RBM17: variants seen among roughly 807,000 people sequenced by gnomAD.
RBM17 encodes the protein splicing factor 45.
In RBM17, 7 loss-of-function variants were observed where a neutral mutation model predicts 53.2. The ratio of observed to expected loss-of-function variants is 0.13; its 90% CI spans 0.07 to 0.25. The LOEUF (loss-of-function observed/expected upper bound fraction) is 0.25, where lower values mean the gene tolerates loss of function less well. RBM17 is among the 10% of genes least tolerant of loss of function. The pLI is 1.00. For synonymous variants in RBM17, 167 were observed against 178.1 expected, an observed-to-expected ratio of 0.94 and a Z score of 0.50; for missense variants, 257 against 496.7, an observed-to-expected ratio of 0.52 and a Z score of 4.59.
intron 6 of RBM17, among the ~76,000 whole-genome samples, 160 bp from the exon 7 acceptor site, chr10:6,109,826 A>T (rs1029561060): frequency 6.6e-6 from 1 of 152,246 alleles, no homozygotes; most frequent in South Asian, 2.1e-4. Context: ...GGTTTTAAAA[A>T]AAGTCGTATA....
chr10:6,109,407 C>G (rs574333764), intron 6 of RBM17, among the ~76,000 whole-genome samples: 1 of 152,202 alleles, frequency 6.6e-6, no homozygotes, highest in East Asian at 1.9e-4. Context: ...TTATGAAATA[C>G]CTATTATGTG....
Position 6,105,011 on chromosome 10 carries a change from T to A in RBM17, c.321T>A (p.Asp107Glu), listed in dbSNP as rs778058356. The stretch of plus-strand genomic sequence containing the variant: ...AATATGACCCTATGTTTCCTAATGA[T>A]TATGAGAAAGTAGTGAAGCGCCAAA... ...ADEYDPMFPN[D>E]YEKVVKRQRE... The change falls in exon 4 of 12, where the codon GAT becomes GAA. Residue 107 changes from aspartate (D) to glutamate (E), a missense_variant. Around this residue, in one of 6 missense-constraint regions of RBM17, gnomAD observed 127 missense variants for 217.2 expected, o/e 0.58. Transcript: ENST00000379888. 69 of 1,613,804 alleles carry A rather than the reference T, an allele frequency of 4.3e-5. No homozygotes were observed. Among genetic ancestry groups the A allele is most frequent in the Non-Finnish European group, 5.6e-5 (66 of 1,179,912 alleles).
chr10:6,110,181 T>C (rs1438466114), intron 7 of RBM17, 54 bp downstream of exon 7: 1 of 1,502,620 alleles, frequency 6.7e-7, no homozygotes, highest in Admixed American at 2.0e-5. Context: ...GAAGCGTTGA[T>C]AGCCCTTTCA....
chr10:6,114,032 T>A lies in RBM17; in HGVS notation c.931-17T>A. 1 of 1,568,726 alleles carries A rather than the reference T, an allele frequency of 6.4e-7. No individual in the cohort carries two copies. The highest frequency in any genetic ancestry group is 8.8e-7 in the Non-Finnish European group (1 of 1,140,622). On this transcript the variant is annotated splice_polypyrimidine_tract_variant and intron_variant, in intron 9 of 11. Coordinates refer to ENST00000379888, the MANE Select transcript of RBM17 (RefSeq NM_032905.5). The stretch of plus-strand genomic sequence containing the variant: ...GTTATACTTGGTACTTGAATTTGTT[T>A]ATTTTTGTGTTTAAAGAACATGGTT...
intron 1 of RBM17, among the ~76,000 whole-genome samples, chr10:6,096,158 G>A (rs1330775071): frequency 6.6e-6 from 1 of 152,204 alleles, no homozygotes; most frequent in Non-Finnish European, 1.5e-5. Context: ...AGTAAGCTAT[G>A]TTGGTGGGTT....
chr10:6,109,857 GT>G, intron 6 of RBM17, 128 bp from the exon 7 acceptor site: 1 of 666,410 alleles, frequency 1.5e-6, no homozygotes. Context: ...AATTGATTTG[GT>G]GTTTTTCTCT....
At chr10:6,095,295 A>G (rs553224176) in intron 1 of RBM17, among the ~76,000 whole-genome samples, 1 of 151,814 alleles carries the variant, frequency 6.6e-6, no homozygotes, top group African/African-American at 2.4e-5. Flanking sequence ...TCACTGCAAC[A>G]TCCATCTCCC....
chr10:6,113,437 T>C lies in RBM17; in HGVS notation c.857-71T>C, dbSNP rs1215221235. The stretch of plus-strand genomic sequence containing the variant: ...TTAAATTAATTATTGTAAGTAGGAC[T>C]CAGTTCTGTAACACATCTAATGATA... On this transcript the variant is annotated intron_variant, in intron 8 of 11. Coordinates refer to ENST00000379888, the MANE Select transcript of RBM17 (RefSeq NM_032905.5). The C allele has an allele frequency of 4.0e-6, 4 of 1,002,370 alleles. 1 individual carries two copies. Among genetic ancestry groups the C allele is most frequent in the African/African-American group, 1.6e-5 (1 of 62,806 alleles). 62.1% of individuals were successfully genotyped at this position (1,002,370 alleles called of 1,614,324 possible). A position where few individuals can be genotyped will look rare whatever the true frequency, so the allele number is the denominator to read the frequency against.
intron 2 of RBM17, among the ~76,000 whole-genome samples, chr10:6,100,174 T>C (rs1450818646): frequency 6.6e-6 from 1 of 152,256 alleles, no homozygotes; most frequent in Non-Finnish European, 1.5e-5. Context: ...ATAAGTATTG[T>C]TATATTCAAG....
At position 6,089,047 on chromosome 10, in the gene RBM17, T is replaced by A. The variant is rs1251150377; in HGVS notation, c.-165T>A. On this transcript the variant is annotated 5_prime_UTR_variant, in exon 1 of 12. Transcript: ENST00000379888. This position sits in a 1 kb window ranked among gnomAD's most constrained non-coding sequence, Gnocchi z 5.6. ...CGCTCTCCCGGCAGCCCGCGCTCCC[T>A]GACCCCGCGCCGCCGAGCGCCCTGA... 6.6e-6 allele frequency: 1 copy of A among 150,610 alleles called. No individual in the cohort carries two copies. The highest frequency in any genetic ancestry group is 1.5e-5 in the Non-Finnish European group (1 of 67,520). 9.3% of individuals were successfully genotyped at this position (150,610 alleles called of 1,614,324 possible). A position where few individuals can be genotyped will look rare whatever the true frequency, so the allele number is the denominator to read the frequency against.
intron 10 of RBM17, chr10:6,114,598 G>A (rs1840887988): frequency 6.2e-6 from 1 of 160,220 alleles, no homozygotes; most frequent in African/African-American, 2.4e-5. Flanking sequence ...AGACTAGGTA[G>A]TATTGACTAA....
chr10:6,108,536 T>C, intron 5 of RBM17, 150 bp from the exon 6 acceptor site: 1 of 554,890 alleles, frequency 1.8e-6, no homozygotes. Context: ...AGAGGTTTGT[T>C]CATATGTAGC....
At chr10:6,113,684 T>G in intron 9 of RBM17, 103 bp downstream of exon 9, 1 of 791,970 alleles carries the variant, frequency 1.3e-6, no homozygotes, top group East Asian at 2.4e-5. Context: ...ATGATACTTT[T>G]GCAAATAATA....
intron 5 of RBM17, among the ~76,000 whole-genome samples, chr10:6,107,420 C>T (rs1401670613): frequency 2.7e-5 from 4 of 149,740 alleles, no homozygotes; most frequent in Non-Finnish European, 5.9e-5. Context: ...TCAAGTGATC[C>T]ACCCACCTCA....
Position 6,096,219 on chromosome 10 carries a change from A to C in RBM17, c.-18-829A>C, listed in dbSNP as rs919243496. On this transcript the variant is annotated intron_variant, in intron 1 of 11. Coordinates refer to ENST00000379888, the MANE Select transcript of RBM17 (RefSeq NM_032905.5). Reference sequence around the variant, plus strand: ...AAGTGGCAGTTGGGGTTCACTGGCGAGGGCTCTGGAGTTGGCCTGGCTGGG... The same window carrying C: ...AAGTGGCAGTTGGGGTTCACTGGCGCGGGCTCTGGAGTTGGCCTGGCTGGG... Among the ~76,000 whole-genome samples the C allele has an allele frequency of 2.1e-4, 32 of 152,032 alleles. 1 individual carries two copies. The highest frequency in any genetic ancestry group is 7.5e-4 in the African/African-American group (31 of 41,446).
chr10:6,094,493 TA>T (rs1840541944), intron 1 of RBM17, among the ~76,000 whole-genome samples: 1 of 152,222 alleles, frequency 6.6e-6, no homozygotes, highest in South Asian at 2.1e-4. Flanking sequence ...CTTTCCATTT[TA>T]AGAATAAAGA....
Position 6,089,751 on chromosome 10 carries a change from C to T in RBM17, c.-19+558C>T, listed in dbSNP as rs903564535. On this transcript the variant is annotated intron_variant, in intron 1 of 11. Coordinates refer to ENST00000379888, the MANE Select transcript of RBM17 (RefSeq NM_032905.5). This position sits in a 1 kb window ranked among gnomAD's most constrained non-coding sequence, Gnocchi z 5.6. ...GCAGTTTGAGCGGTGTTTCAGCGCT[C>T]ACGTCCGACCCCAGGCAGTCTTTGA... is the stretch of plus-strand genomic sequence containing the variant. 3 of 152,392 alleles carry T rather than the reference C, an allele frequency of 2.0e-5. No homozygotes were observed. Among genetic ancestry groups the T allele is most frequent in the Admixed American group, 1.3e-4 (2 of 15,284 alleles). The allele number at this position is 152,392 out of a possible 1,614,324, so 9.4% of individuals were successfully genotyped here.
At position 6,112,199 on chromosome 10, in the gene RBM17, T is replaced by C. The variant is rs1369017405; in HGVS notation, c.705-11T>C. 1 of 1,609,536 alleles carries C rather than the reference T, an allele frequency of 6.2e-7. No homozygotes were observed. Among genetic ancestry groups the C allele is most frequent in the Admixed American group, 1.7e-5 (1 of 59,886 alleles). ...CAAGGCTAAGAGTCCTTTCCCTTCTTCTCCTGCCAGGGGCACGGTGGCGCA... is the reference window on the plus strand; with the variant it reads ...CAAGGCTAAGAGTCCTTTCCCTTCTCCTCCTGCCAGGGGCACGGTGGCGCA... On this transcript the variant is annotated splice_polypyrimidine_tract_variant and intron_variant, in intron 7 of 11. Transcript: ENST00000379888. The surrounding 1 kb of genome is among the most constrained non-coding windows in gnomAD (Gnocchi z 4.4).
At chr10:6,111,307 C>T (rs1840833904) in intron 7 of RBM17, among the ~76,000 whole-genome samples, 2 of 152,182 alleles carry the variant, frequency 1.3e-5, no homozygotes, top group South Asian at 4.1e-4. Context: ...GTTGTGGGGT[C>T]CAGTTTCAGC....
Sources: gnomAD v4.1 joint callset for allele counts (sites outside exome capture counted in the v4.1 genomes callset) on GRCh38, gnomAD v4.1.1 for gene constraint, gnomAD v4.1.1 regional missense constraint, Gnocchi (gnomAD v3.1) non-coding constraint, MANE v1.5 for transcripts, NCBI Gene and HGNC (gene_info 2026-07-23, HGNC 2026-07-21) for gene names.